The following DEPDC5 variants were observed in gnomAD, a reference collection of about 807,000 sequenced individuals.
DEPDC5 encodes DEP domain containing 5, GATOR1 subcomplex subunit.
A neutral mutation model predicts 217.3 loss-of-function variants in DEPDC5; 73 were observed. The ratio of observed to expected loss-of-function variants is 0.34; its 90% CI spans 0.28 to 0.41. The LOEUF is 0.41. DEPDC5 is among the 10% of genes least tolerant of loss of function. The pLI, the probability that DEPDC5 is intolerant of heterozygous loss-of-function variation, is 1.00. For synonymous variants in DEPDC5, 733 were observed against 756.7 expected, an observed-to-expected ratio of 0.97 and a Z score of 0.51; for missense variants, 1,675 against 2,070.1, an observed-to-expected ratio of 0.81 and a Z score of 3.70.
At chr22:31,771,385 A>G (rs2148215914) in intron 7 of DEPDC5, among the ~76,000 whole-genome samples, 1 of 152,240 alleles carries the variant, frequency 6.6e-6, no homozygotes, top group African/African-American at 2.4e-5. Flanking sequence ...CAGGAGTTCA[A>G]ACCAGCCTGG....
At chr22:31,902,435 T>TATATAC (rs915603933) in intron 41 of DEPDC5, among the ~76,000 whole-genome samples, 2 of 125,540 alleles carry the variant, frequency 1.6e-5, no homozygotes, top group Non-Finnish European at 3.4e-5. Flanking sequence ...TATATATATA[T>TATATAC]ACTTATATAT....
chr22:31,784,620 C>CA (rs34957936), intron 9 of DEPDC5, 194 bp from the exon 10 acceptor site: 8,418 of 320,976 alleles, frequency 0.026, no homozygotes, highest in East Asian at 0.038. Flanking sequence ...ACTCCCATCT[C>CA]AAAAAAAAAA....
intron 7 of DEPDC5, chr22:31,769,301 A>G (rs2083119834): frequency 6.6e-6 from 1 of 152,498 alleles, no homozygotes; most frequent in African/African-American, 2.4e-5. Context: ...AGCTCAAACA[A>G]ACCACAAAAT....
intron 14 of DEPDC5, among the ~76,000 whole-genome samples, chr22:31,802,494 A>G (rs2086982044): frequency 6.6e-6 from 1 of 152,170 alleles, no homozygotes; most frequent in Admixed American, 6.6e-5. Flanking sequence ...AATGAGGGGT[A>G]TTAACAAAGG....
At chr22:31,865,991 C>T (rs2092678168) in intron 33 of DEPDC5, among the ~76,000 whole-genome samples, 1 of 152,170 alleles carries the variant, frequency 6.6e-6, no homozygotes, top group Non-Finnish European at 1.5e-5. Context: ...CTACCAGCCT[C>T]CAGGCACAGT....
At chr22:31,801,490 T>G (rs2148621278) in intron 14 of DEPDC5, among the ~76,000 whole-genome samples, 1 of 152,280 alleles carries the variant, frequency 6.6e-6, no homozygotes, top group East Asian at 1.9e-4. Flanking sequence ...AATATATTGT[T>G]TGCAAATAAC....
At position 31,818,995 on chromosome 22, in the gene DEPDC5, G is replaced by A. The variant is rs747981343; in HGVS notation, c.1667-27G>A. ...CACTGTGGTTCTGTGGTTTTTCTTT[G>A]TGACTCAACTCCATGATAACTGGCA... On this transcript the variant is annotated intron_variant, in intron 21 of 42. Transcript: ENST00000651528. The A allele has an allele frequency of 1.9e-6, 3 of 1,613,318 alleles. No homozygotes were observed. In the South Asian group the frequency reaches 3.3e-5, roughly 18 times the overall value.
chr22:31,888,157 G>A (rs1203918603), intron 38 of DEPDC5, among the ~76,000 whole-genome samples: 3 of 151,220 alleles, frequency 2.0e-5, no homozygotes, highest in African/African-American at 7.3e-5. Flanking sequence ...AGCAGCAGGA[G>A]CATCTGAGAC....
intron 7 of DEPDC5, among the ~76,000 whole-genome samples, chr22:31,771,877 T>G (rs1051381035): frequency 1.3e-5 from 2 of 151,732 alleles, no homozygotes; most frequent in South Asian, 2.1e-4. Context: ...AAGACCAACC[T>G]GGCAATATGC....
At chr22:31,891,236 G>A (rs989851967) in intron 38 of DEPDC5, 15 of 580,760 alleles carry the variant, frequency 2.6e-5, no homozygotes, top group African/African-American at 2.5e-4. Context: ...CGACAATAAC[G>A]TGTTCTAGTC....
chr22:31,855,768 G>T (rs2092264556), intron 31 of DEPDC5, among the ~76,000 whole-genome samples: 1 of 151,754 alleles, frequency 6.6e-6, no homozygotes, highest in South Asian at 2.1e-4. Flanking sequence ...ATATGTAGGG[G>T]TTCATTATAT....
chr22:31,851,160 A>G (rs1452600871), intron 31 of DEPDC5, among the ~76,000 whole-genome samples: 3 of 152,042 alleles, frequency 2.0e-5, no homozygotes, highest in Non-Finnish European at 4.4e-5. Context: ...GAAGGGGCAT[A>G]TGCCTTGGTT....
intron 31 of DEPDC5, 102 bp downstream of exon 31, chr22:31,847,069 G>T (rs1441671068): frequency 2.0e-6 from 3 of 1,522,498 alleles, no homozygotes; most frequent in Non-Finnish European, 2.7e-6. Flanking sequence ...TTTACAAGGA[G>T]CTTGTAATTA....
chr22:31,795,972 C>CCCCCACCTTGG (rs2086199977), intron 12 of DEPDC5, among the ~76,000 whole-genome samples: 1 of 152,152 alleles, frequency 6.6e-6, no homozygotes, highest in Non-Finnish European at 1.5e-5. Flanking sequence ...TCAGGTGATC[C>CCCCCACCTTGG]CCCCACCTTG....
intron 24 of DEPDC5, among the ~76,000 whole-genome samples, chr22:31,831,647 G>A (rs567041287): frequency 3.9e-5 from 6 of 152,216 alleles, no homozygotes; most frequent in African/African-American, 1.4e-4. Context: ...TTTTAGTAGA[G>A]ACGAGGTTTC....
intron 34 of DEPDC5, among the ~76,000 whole-genome samples, chr22:31,871,345 T>A (rs2092837132): frequency 6.6e-6 from 1 of 152,248 alleles, no homozygotes; most frequent in African/African-American, 2.4e-5. Context: ...CAAAATCATC[T>A]AAGAGACTTA....
chr22:31,785,546 C>T (rs1412556706), intron 10 of DEPDC5, among the ~76,000 whole-genome samples: 1 of 150,000 alleles, frequency 6.7e-6, no homozygotes, highest in African/African-American at 2.4e-5. Flanking sequence ...CTACCCAAAG[C>T]AGTTTACAGG....
chr22:31,766,959 C>T (rs1219439098), intron 6 of DEPDC5, among the ~76,000 whole-genome samples: 4 of 152,124 alleles, frequency 2.6e-5, no homozygotes, highest in South Asian at 2.1e-4. Context: ...ATTTGCTCCT[C>T]ACATCTCCTC....
chr22:31,861,417 C>G lies in DEPDC5; in HGVS notation c.3314C>G (p.Ser1105Cys). The G allele has an allele frequency of 6.4e-7, 1 of 1,551,636 alleles. No homozygotes were observed. The highest frequency in any genetic ancestry group is 8.7e-7 in the Non-Finnish European group (1 of 1,146,984). ...EFVRSPRTAS[S>C]AFYPQVSVDQ... ...GTCCGCAGCCCACGCACAGCATCGT[C>G]CGCCTTCTACCCTCAGGTTAGTCCA... The change falls in exon 33 of 43, where the codon TCC becomes TGC. Residue 1105 changes from serine to cysteine, a missense_variant. Physicochemically the swap from Ser to Cys is moderately radical, Grantham distance 112 (BLOSUM62 -1). Coordinates refer to ENST00000651528, the MANE Select transcript of DEPDC5 (RefSeq NM_001242896.3).
Sources: gnomAD v4.1 joint callset for allele counts (sites outside exome capture counted in the v4.1 genomes callset) on GRCh38, gnomAD v4.1.1 for gene constraint, MANE v1.5 for transcripts, NCBI Gene and HGNC (gene_info 2026-07-23, HGNC 2026-07-21) for gene names.